CDH20: variants seen among roughly 807,000 people sequenced by gnomAD.
The protein encoded by CDH20 is cadherin-20.
CDH20 carries 29 observed loss-of-function variants against 74.2 expected under a neutral mutation model. The ratio of observed to expected loss-of-function variants is 0.39; its 90% CI spans 0.29 to 0.53. The LOEUF is 0.53. CDH20 is among the 20% of genes least tolerant of loss of function. The pLI is 0.69. For synonymous variants in CDH20, 469 were observed against 405.4 expected (o/e 1.16, Z -1.88); for missense variants, 988 against 1,048.3 (o/e 0.94, Z 0.79).
chr18:61,433,376 C>A lies in CDH20; in HGVS notation c.-152-57026C>A, dbSNP rs112430922. Among the ~76,000 whole-genome samples the A allele has an allele frequency of 8.4e-3, 1,271 of 152,166 alleles. 22 individuals carry two copies. Among genetic ancestry groups the A allele is most frequent in the African/African-American group, 0.028 (1,158 of 41,522 alleles). On this transcript the variant is annotated intron_variant, in intron 1 of 11. Transcript: ENST00000262717. ...GTACTATCATTTTTGGTGTTTATTT[C>A]TTTGTATTGCCTTTTTTATTTGGAA...
chr18:61,548,582 T>C (rs1438575546), intron 10 of CDH20, among the ~76,000 whole-genome samples: 1 of 152,204 alleles, frequency 6.6e-6, no homozygotes, highest in Non-Finnish European at 1.5e-5. Flanking sequence ...TTACTCAGAA[T>C]AGCCCAGATT....
chr18:61,385,531 T>C lies in CDH20; in HGVS notation c.-153+51704T>C, dbSNP rs552745727. 2.0e-5 allele frequency among the ~76,000 whole-genome samples: 3 copies of C among 150,568 alleles called. No individual in the cohort carries two copies. In the Admixed American group the frequency reaches 2.0e-4, roughly 10 times the overall value. On this transcript the variant is annotated intron_variant, in intron 1 of 11. Coordinates refer to ENST00000262717, the MANE Select transcript of CDH20 (RefSeq NM_031891.4). ...AAATATGTAATATCAACGAACATAATGGACCATACCTCAAGGAAAAAAAAT... is the reference window on the plus strand; with the variant it reads ...AAATATGTAATATCAACGAACATAACGGACCATACCTCAAGGAAAAAAAAT...
intron 1 of CDH20, among the ~76,000 whole-genome samples, chr18:61,380,552 G>A (rs1438336980): frequency 6.6e-6 from 1 of 152,232 alleles, no homozygotes; most frequent in Non-Finnish European, 1.5e-5. Context: ...GCTCATGCCA[G>A]TAATCCCAGT....
At chr18:61,524,418 ACTATACAATCCCACAACTCCAGTC>A (rs1912314519) in intron 6 of CDH20, among the ~76,000 whole-genome samples, 1 of 152,218 alleles carries the variant, frequency 6.6e-6, no homozygotes, top group African/African-American at 2.4e-5. Flanking sequence ...AAATATATTT[ACTATACAATCCCACAACTCCAGTC>A]CTAGGTATTT....
chr18:61,400,385 A>G (rs1912118305), intron 1 of CDH20, among the ~76,000 whole-genome samples: 1 of 152,232 alleles, frequency 6.6e-6, no homozygotes, highest in African/African-American at 2.4e-5. Context: ...GATAACAGTC[A>G]ATCTGAAAAT....
Position 61,519,820 on chromosome 18 carries a change from G to C in CDH20, c.1018-8147G>C, listed in dbSNP as rs9748316. Reference sequence around the variant, plus strand: ...CTAAATGCCCCAATTAAAAGACACAGATTGGCAAATTGGATAAAGAGTCAA... The same window carrying C: ...CTAAATGCCCCAATTAAAAGACACACATTGGCAAATTGGATAAAGAGTCAA... On this transcript the variant is annotated intron_variant, in intron 6 of 11. Coordinates refer to ENST00000262717, the MANE Select transcript of CDH20 (RefSeq NM_031891.4). Among the ~76,000 whole-genome samples, 1,428 of 150,896 alleles carry C rather than the reference G, an allele frequency of 9.5e-3. 110 individuals carry two copies. Among genetic ancestry groups the C allele is most frequent in the African/African-American group, 0.034 (1,372 of 40,484 alleles).
intron 1 of CDH20, among the ~76,000 whole-genome samples, chr18:61,428,474 G>A (rs1913147405): frequency 6.6e-6 from 1 of 152,198 alleles, no homozygotes; most frequent in African/African-American, 2.4e-5. Flanking sequence ...CGGTAGCACA[G>A]CCACAGATGG....
At chr18:61,525,523 C>T (rs1022862492) in intron 6 of CDH20, among the ~76,000 whole-genome samples, 8 of 152,110 alleles carry the variant, frequency 5.3e-5, no homozygotes, top group Admixed American at 4.6e-4. Context: ...GGCAGATTTC[C>T]CTGTTTATGA....
intron 1 of CDH20, among the ~76,000 whole-genome samples, chr18:61,426,680 T>C (rs965337877): frequency 6.6e-6 from 1 of 152,222 alleles, no homozygotes; most frequent in African/African-American, 2.4e-5. Context: ...AAGGACTGAC[T>C]TAATGGCCTG....
At chr18:61,497,334 C>T (rs1911206880) in intron 2 of CDH20, among the ~76,000 whole-genome samples, 2 of 152,284 alleles carry the variant, frequency 1.3e-5, no homozygotes, top group South Asian at 2.1e-4. Context: ...TCAAAGCCAG[C>T]CACAACCTCC....
chr18:61,432,728 G>T (rs947128996), intron 1 of CDH20, among the ~76,000 whole-genome samples: 2 of 152,138 alleles, frequency 1.3e-5, no homozygotes, highest in Admixed American at 1.3e-4. Context: ...ATCTGAGGAA[G>T]ACAGCCCTCC....
chr18:61,464,547 T>C (rs1188938088), intron 1 of CDH20, among the ~76,000 whole-genome samples: 1 of 152,184 alleles, frequency 6.6e-6, no homozygotes, highest in African/African-American at 2.4e-5. Flanking sequence ...ATCTGTTTTC[T>C]GGATGCTTTG....
At chr18:61,358,915 C>G (rs1908593) in intron 1 of CDH20, among the ~76,000 whole-genome samples, 1 of 151,800 alleles carries the variant, frequency 6.6e-6, no homozygotes, top group Non-Finnish European at 1.5e-5. Context: ...ATAATAAATA[C>G]TGGTGCAATG....
At chr18:61,343,449 G>C (rs1461879831) in intron 1 of CDH20, among the ~76,000 whole-genome samples, 3 of 152,198 alleles carry the variant, frequency 2.0e-5, no homozygotes, top group Admixed American at 2.0e-4. Flanking sequence ...TAGAGGTTGA[G>C]TGCCTCTACC....
At chr18:61,532,826 A>C (rs2144380601) in intron 7 of CDH20, among the ~76,000 whole-genome samples, 1 of 152,326 alleles carries the variant, frequency 6.6e-6, no homozygotes, top group East Asian at 1.9e-4. Context: ...CTTTAAATCA[A>C]ATTTTGAACC....
intron 1 of CDH20, among the ~76,000 whole-genome samples, chr18:61,471,368 T>C (rs757367292): frequency 6.6e-6 from 1 of 152,232 alleles, no homozygotes; most frequent in Non-Finnish European, 1.5e-5. Context: ...ATGTCAGAGT[T>C]AGGTCCGTGA....
At chr18:61,448,634 C>G (rs1333622902) in intron 1 of CDH20, among the ~76,000 whole-genome samples, 1 of 152,108 alleles carries the variant, frequency 6.6e-6, no homozygotes, top group Non-Finnish European at 1.5e-5. Flanking sequence ...GTGTTATTGG[C>G]CTTATTTGAA....
At chr18:61,399,959 T>A (rs190659970) in intron 1 of CDH20, among the ~76,000 whole-genome samples, 1 of 152,258 alleles carries the variant, frequency 6.6e-6, no homozygotes, top group East Asian at 1.9e-4. Flanking sequence ...TTCTTAATTA[T>A]GCAGTTCATG....
intron 6 of CDH20, among the ~76,000 whole-genome samples, chr18:61,526,069 C>G (rs1912392606): frequency 6.8e-6 from 1 of 146,810 alleles, no homozygotes; most frequent in African/African-American, 2.5e-5. Context: ...CCTCAGCTTC[C>G]TACATTGTCA....
Sources: gnomAD v4.1 joint callset for allele counts (sites outside exome capture counted in the v4.1 genomes callset) on GRCh38, gnomAD v4.1.1 for gene constraint, MANE v1.5 for transcripts, NCBI Gene and HGNC (gene_info 2026-07-23, HGNC 2026-07-21) for gene names.